The following NFIX variants were observed in gnomAD, a reference collection of about 807,000 sequenced individuals.
The protein encoded by NFIX is nuclear factor 1 X-type.
In NFIX, 2 loss-of-function variants were observed where a neutral mutation model predicts 53.3. The observed-to-expected ratio is 0.04, with a 90% CI of 0.02 to 0.12. NFIX has a LOEUF of 0.12. Among genes scored for constraint, NFIX ranks in the 10% least tolerant of loss-of-function variants. The pLI, the probability that NFIX is intolerant of heterozygous loss-of-function variation, is 1.00. For synonymous variants in NFIX, 244 were observed against 289.0 expected (o/e 0.84, Z 1.58); for missense variants, 310 against 674.5 (o/e 0.46, Z 5.99).
intron 2 of NFIX, among the ~76,000 whole-genome samples, chr19:13,039,819 A>G (rs915675950): frequency 1.3e-5 from 2 of 152,084 alleles, no homozygotes; most frequent in African/African-American, 2.4e-5. Flanking sequence ...TTATAGTTTT[A>G]TACGCTCCAT....
chr19:13,092,986 T>C (rs945685040), intron 10 of NFIX, among the ~76,000 whole-genome samples: 1 of 152,218 alleles, frequency 6.6e-6, no homozygotes. Flanking sequence ...TACAGGAAAT[T>C]TAGCATTTCT....
chr19:13,019,269 G>A (rs1200760301), intron 1 of NFIX, among the ~76,000 whole-genome samples: 2 of 152,184 alleles, frequency 1.3e-5, no homozygotes, highest in South Asian at 4.1e-4. Flanking sequence ...TTTCCTTGAA[G>A]AATTTTTAAC....
At chr19:13,085,323 GATTT>G (rs2017711859) in intron 8 of NFIX, among the ~76,000 whole-genome samples, 1 of 152,190 alleles carries the variant, frequency 6.6e-6, no homozygotes, top group South Asian at 2.1e-4. Context: ...TGGGATTAAC[GATTT>G]AGATACTCCT....
intron 2 of NFIX, among the ~76,000 whole-genome samples, chr19:13,034,369 G>A (rs1157184918): frequency 6.6e-6 from 1 of 152,170 alleles, no homozygotes; most frequent in Non-Finnish European, 1.5e-5. Flanking sequence ...CACCAACCTC[G>A]AGAGGCAGCA....
At chr19:13,038,136 A>G (rs2145251845) in intron 2 of NFIX, among the ~76,000 whole-genome samples, 1 of 152,300 alleles carries the variant, frequency 6.6e-6, no homozygotes, top group East Asian at 1.9e-4. Flanking sequence ...TTCCCATCTC[A>G]AAGCTCAGAG....
Position 13,073,532 on chromosome 19 carries a change from A to G in NFIX, c.697+36A>G, listed in dbSNP as rs2016893991. On this transcript the variant is annotated intron_variant, in intron 4 of 10. Coordinates refer to ENST00000592199, the MANE Select transcript of NFIX (RefSeq NM_001365902.3). This position sits in a 1 kb window ranked among gnomAD's most constrained non-coding sequence, Gnocchi z 4.5. ...CCTTCCTTCCAGGCCAGGGATGGGG[A>G]TTGAAAGTGAGGAGGTGGGACCTCA... The G allele has an allele frequency of 6.3e-7, 1 of 1,587,412 alleles. No homozygotes were observed.
rs2015189474 is a variant in NFIX at position 13,049,421 on chromosome 19, A to G, written c.560-23626A>G. Among the ~76,000 whole-genome samples the G allele has an allele frequency of 6.6e-6, 1 of 152,086 alleles. No homozygotes were observed. The highest frequency in any genetic ancestry group is 1.5e-5 in the Non-Finnish European group (1 of 68,008). On this transcript the variant is annotated intron_variant, in intron 2 of 10. Transcript: ENST00000592199. This position sits in a 1 kb window ranked among gnomAD's most constrained non-coding sequence, Gnocchi z 4.5. ...TATTAGTTGTTAGTCCCAATTCCTC[A>G]TTCCTCCTAGGCCCTGGCAACCGCT...
chr19:13,011,116 T>C lies in NFIX; in HGVS notation c.28-13905T>C, dbSNP rs973181061. 7.2e-5 allele frequency among the ~76,000 whole-genome samples: 11 copies of C among 152,130 alleles called. No homozygotes were observed. The highest frequency in any genetic ancestry group is 2.7e-4 in the African/African-American group (11 of 41,442). ...AAAACCATTTCGCCAGGCAGGGATGTAGGGGGAGGCGGGAGCAGCCCTCCC... is the reference window on the plus strand; with the variant it reads ...AAAACCATTTCGCCAGGCAGGGATGCAGGGGGAGGCGGGAGCAGCCCTCCC... On this transcript the variant is annotated intron_variant, in intron 1 of 10. Coordinates refer to ENST00000592199, the MANE Select transcript of NFIX (RefSeq NM_001365902.3). The surrounding 1 kb of genome is among the most constrained non-coding windows in gnomAD (Gnocchi z 6.5).
In NFIX at chr19:13,001,709, T is replaced by C. The variant is rs1479790439; in HGVS notation, c.27+5845T>C. Among the ~76,000 whole-genome samples the C allele has an allele frequency of 6.6e-6, 1 of 152,174 alleles. No individual in the cohort carries two copies. Among genetic ancestry groups the C allele is most frequent in the Non-Finnish European group, 1.5e-5 (1 of 68,024 alleles). On this transcript the variant is annotated intron_variant, in intron 1 of 10. Coordinates refer to ENST00000592199, the MANE Select transcript of NFIX (RefSeq NM_001365902.3). The surrounding 1 kb of genome is among the most constrained non-coding windows in gnomAD (Gnocchi z 6.5). The stretch of plus-strand genomic sequence containing the variant: ...ATCACCCTCATATCACTGTGCCTCC[T>C]GAGCTTGTCCCCGTGACAATCACTG...
At position 13,094,699 on chromosome 19, in the gene NFIX, G is replaced by C. The variant is rs774456514; in HGVS notation, c.*50G>C. On this transcript the variant is annotated 3_prime_UTR_variant, in exon 11 of 11. Transcript: ENST00000592199. This position sits in a 1 kb window ranked among gnomAD's most constrained non-coding sequence, Gnocchi z 4.3. ...AATGAGAAGAAGAGGTTCCTCGAAA[G>C]GGGGGAGAAGAAATTTTGAGAATGG... 2.4e-5 allele frequency: 37 copies of C among 1,521,346 alleles called. No homozygotes were observed. In the South Asian group the frequency reaches 3.3e-4, roughly 14 times the overall value. 94.2% of individuals were successfully genotyped at this position (1,521,346 alleles called of 1,614,324 possible).
At chr19:13,041,546 C>T (rs1302438219) in intron 2 of NFIX, among the ~76,000 whole-genome samples, 2 of 152,094 alleles carry the variant, frequency 1.3e-5, no homozygotes, top group East Asian at 3.9e-4. Context: ...CCTATAATCC[C>T]AGCACTTTGG....
At chr19:13,010,219 T>C (rs990666533) in intron 1 of NFIX, among the ~76,000 whole-genome samples, 1 of 152,216 alleles carries the variant, frequency 6.6e-6, no homozygotes, top group African/African-American at 2.4e-5. Context: ...CCCTGCCCCA[T>C]GGCCCGCTCA....
At position 13,002,791 on chromosome 19, in the gene NFIX, C is replaced by CTGCT. The variant is rs1568252400; in HGVS notation, c.27+6927_27+6928insTGCT. Among the ~76,000 whole-genome samples the CTGCT allele has an allele frequency of 6.6e-6, 1 of 152,182 alleles. No homozygotes were observed. The highest frequency in any genetic ancestry group is 1.9e-4 in the East Asian group (1 of 5,186). ...CTGGGGAGCTCTCCCCCCACTGGGC[C>CTGCT]CCACCCTGAGGGGAGCCGGGGGTGG... On this transcript the variant is annotated intron_variant, in intron 1 of 10. Coordinates refer to ENST00000592199, the MANE Select transcript of NFIX (RefSeq NM_001365902.3). This position sits in a 1 kb window ranked among gnomAD's most constrained non-coding sequence, Gnocchi z 6.1.
In NFIX at chr19:13,043,363, G is replaced by A. The variant is rs2014767298; in HGVS notation, c.559+17811G>A. On this transcript the variant is annotated intron_variant, in intron 2 of 10. Coordinates refer to ENST00000592199, the MANE Select transcript of NFIX (RefSeq NM_001365902.3). This position sits in a 1 kb window ranked among gnomAD's most constrained non-coding sequence, Gnocchi z 4.0. The stretch of plus-strand genomic sequence containing the variant: ...AGCTTCTGGCCTTGGGACTGCAGAA[G>A]TGGCTCTTGAGACTGTCTGGTGGTG... Among the ~76,000 whole-genome samples the A allele has an allele frequency of 2.0e-5, 3 of 152,220 alleles. No individual in the cohort carries two copies. Among genetic ancestry groups the A allele is most frequent in the African/African-American group, 4.8e-5 (2 of 41,458 alleles).
In NFIX at chr19:13,043,463, G is replaced by A. The variant is rs1035127700; in HGVS notation, c.559+17911G>A. 1.3e-5 allele frequency among the ~76,000 whole-genome samples: 2 copies of A among 152,206 alleles called. No individual in the cohort carries two copies. Among genetic ancestry groups the A allele is most frequent in the African/African-American group, 2.4e-5 (1 of 41,456 alleles). On this transcript the variant is annotated intron_variant, in intron 2 of 10. Transcript: ENST00000592199. This position sits in a 1 kb window ranked among gnomAD's most constrained non-coding sequence, Gnocchi z 4.0. ...TCTGAGGTGCAAGCCCATGCTGGCCGCCAGCACGTGCCAGAGAGCTCCTGA... is the reference window on the plus strand; with the variant it reads ...TCTGAGGTGCAAGCCCATGCTGGCCACCAGCACGTGCCAGAGAGCTCCTGA...
rs542493492 is a variant in NFIX at position 13,007,630 on chromosome 19, G to GGAA, written c.27+11767_27+11769dup. ...TTCCACTCCCCAGAGCTGGAGTGGG[G>GGAA]GAACCAAGCCTCGCCTTCGGTACTT... is the stretch of plus-strand genomic sequence containing the variant. On this transcript the variant is annotated intron_variant, in intron 1 of 10. Coordinates refer to ENST00000592199, the MANE Select transcript of NFIX (RefSeq NM_001365902.3). 3.4e-3 allele frequency among the ~76,000 whole-genome samples: 514 copies of GGAA among 152,318 alleles called. 5 individuals carry two copies. The highest frequency in any genetic ancestry group is 0.012 in the African/African-American group (500 of 41,574).
intron 1 of NFIX, among the ~76,000 whole-genome samples, chr19:13,010,842 G>A (rs1164145951): frequency 3.9e-5 from 6 of 152,216 alleles, no homozygotes; most frequent in Admixed American, 3.3e-4. Flanking sequence ...GGAGCCGGCA[G>A]GGAAGGGAGG....
chr19:13,012,701 G>T lies in NFIX; in HGVS notation c.28-12320G>T, dbSNP rs555508536. ...GTTGGAGGGCTTTGGCCGTGAATGCGATGTTGATGATTGCTGTGATTCTTT... is the reference window on the plus strand; with the variant it reads ...GTTGGAGGGCTTTGGCCGTGAATGCTATGTTGATGATTGCTGTGATTCTTT... On this transcript the variant is annotated intron_variant, in intron 1 of 10. Transcript: ENST00000592199. This position sits in a 1 kb window ranked among gnomAD's most constrained non-coding sequence, Gnocchi z 5.0. Among the ~76,000 whole-genome samples, 1 of 152,226 alleles carries T rather than the reference G, an allele frequency of 6.6e-6. No homozygotes were observed. Among genetic ancestry groups the T allele is most frequent in the African/African-American group, 2.4e-5 (1 of 41,454 alleles).
chr19:13,041,415 CT>C (rs1352387874), intron 2 of NFIX, among the ~76,000 whole-genome samples: 1 of 152,124 alleles, frequency 6.6e-6, no homozygotes, highest in African/African-American at 2.4e-5. Context: ...CTGCTATTAA[CT>C]TTTGTTGCAT....
Sources: gnomAD v4.1 joint callset for allele counts (sites outside exome capture counted in the v4.1 genomes callset) on GRCh38, gnomAD v4.1.1 for gene constraint, Gnocchi (gnomAD v3.1) non-coding constraint, MANE v1.5 for transcripts, NCBI Gene and HGNC (gene_info 2026-07-23, HGNC 2026-07-21) for gene names.